Variants in TRMT11 observed in about 807,000 individuals in gnomAD.
TRMT11 encodes the protein tRNA (guanine(10)-N(2))-methyltransferase TRMT11.
In TRMT11, 53 loss-of-function variants were observed where a neutral mutation model predicts 62.8. That is an observed-to-expected ratio of 0.84 (90% CI 0.68 to 1.06). TRMT11 has a LOEUF of 1.06. TRMT11 is among the 50% of genes least tolerant of loss of function. The pLI, the probability that TRMT11 is intolerant of heterozygous loss-of-function variation, is 0.00. For synonymous variants in TRMT11, 188 were observed against 190.3 expected, an observed-to-expected ratio of 0.99 and a Z score of 0.10; for missense variants, 556 against 553.4, an observed-to-expected ratio of 1.00 and a Z score of -0.05.
At chr6:126,268,624 A>G in the TRMT11 span, among the ~76,000 whole-genome samples, 1 of 152,190 alleles carries the variant, frequency 6.6e-6, no homozygotes, top group South Asian at 2.1e-4. Flanking sequence ...TTTCTTTCTC[A>G]GCTGGGACAT....
chr6:126,103,042 C>T (rs967356679), intron 17 of TRMT11, among the ~76,000 whole-genome samples: 1 of 152,150 alleles, frequency 6.6e-6, no homozygotes, highest in Admixed American at 6.5e-5. Context: ...AAATGTGTTA[C>T]TCCTCATCTC....
intron 3 of TRMT11, among the ~76,000 whole-genome samples, chr6:126,200,531 A>G (rs1778722566): frequency 6.6e-6 from 1 of 152,180 alleles, no homozygotes; most frequent in African/African-American, 2.4e-5. Flanking sequence ...TTAAATCTCC[A>G]TCCTAGTCCA....
In TRMT11 at chr6:126,120,311, CA is replaced by C. The variant is rs1777634962; in HGVS notation, c.*1823+4459del. 2.6e-5 allele frequency among the ~76,000 whole-genome samples: 4 copies of C among 152,108 alleles called. No individual in the cohort carries two copies. The South Asian group carries it at 8.3e-4, about 32-fold the overall frequency. ...ATAAAATATGCTAATAATATGATCT[CA>C]AACATATAAAATAGGTAAAAGAAAG... On this transcript the variant is annotated intron_variant and NMD_transcript_variant, in intron 21 of 22. Transcript: ENST00000648977.
At chr6:126,258,699 A>G in the TRMT11 span, among the ~76,000 whole-genome samples, 18 of 152,124 alleles carry the variant, frequency 1.2e-4, no homozygotes, top group Non-Finnish European at 1.8e-4. Context: ...GTGTCTTTGT[A>G]TTTCTGTGGT....
intron 17 of TRMT11, among the ~76,000 whole-genome samples, chr6:126,065,175 T>C (rs538464061): frequency 5.3e-5 from 8 of 152,214 alleles, no homozygotes; most frequent in Non-Finnish European, 1.2e-4. Flanking sequence ...TTTTCTTTTA[T>C]TGTTAGGTAT....
chr6:126,062,553 A>G (rs986690499), intron 17 of TRMT11, among the ~76,000 whole-genome samples: 4 of 152,220 alleles, frequency 2.6e-5, no homozygotes, highest in African/African-American at 9.6e-5. Context: ...TTAGGTCTTC[A>G]GGTGCTCTTA....
At chr6:126,014,481 C>T (rs964706075) in intron 11 of TRMT11, among the ~76,000 whole-genome samples, 1 of 152,128 alleles carries the variant, frequency 6.6e-6, no homozygotes, top group African/African-American at 2.4e-5. Flanking sequence ...GAACTCCTGA[C>T]CTCATGATCC....
rs398066247 is a variant in TRMT11, at chr6:126,071,358, A to AT, written c.*1437+18180dup. 9.7e-3 allele frequency among the ~76,000 whole-genome samples: 1,397 copies of AT among 144,064 alleles called. 18 individuals carry two copies. The highest frequency in any genetic ancestry group is 0.03 in the African/African-American group (1,176 of 39,390). 94.5% of individuals were successfully genotyped at this position (144,064 alleles called of 152,430 possible). On this transcript the variant is annotated intron_variant and NMD_transcript_variant, in intron 17 of 22. Coordinates refer to the TRMT11 transcript ENST00000648977. Reference sequence around the variant, plus strand: ...TCATGTCCTGGCTTGAATTCTTTTTATTTTTTTTTTTTGTTTACCAAATTG... The same window carrying AT: ...TCATGTCCTGGCTTGAATTCTTTTTATTTTTTTTTTTTTGTTTACCAAATTG...
At chr6:126,063,066 A>C (rs1389870163) in intron 17 of TRMT11, among the ~76,000 whole-genome samples, 1 of 152,204 alleles carries the variant, frequency 6.6e-6, no homozygotes, top group Non-Finnish European at 1.5e-5. Flanking sequence ...TCATGTGATC[A>C]CATTTTATAA....
chr6:126,182,555 C>T (rs1360435465), intron 1 of TRMT11, among the ~76,000 whole-genome samples: 1 of 151,908 alleles, frequency 6.6e-6, no homozygotes, highest in Non-Finnish European at 1.5e-5. Flanking sequence ...TGCTTGAGAT[C>T]AGTATGGTAG....
the TRMT11 span, among the ~76,000 whole-genome samples, chr6:126,238,745 T>A: frequency 6.6e-6 from 1 of 152,152 alleles, no homozygotes; most frequent in African/African-American, 2.4e-5. Context: ...TGCAGAGGTG[T>A]GTTCAATTTC....
At chr6:126,201,936 A>G (rs540143978) in intron 3 of TRMT11, 92 of 152,324 alleles carry the variant, frequency 6.0e-4, no homozygotes, top group African/African-American at 2.1e-3. Context: ...ACTGTATTAA[A>G]TTATAATTAT....
chr6:126,087,135 A>C (rs1386182890), intron 17 of TRMT11, among the ~76,000 whole-genome samples: 1 of 152,228 alleles, frequency 6.6e-6, no homozygotes, highest in African/African-American at 2.4e-5. Flanking sequence ...TAGTTTACCA[A>C]TTATAAACCA....
At chr6:126,079,464 A>G (rs1485526966) in intron 17 of TRMT11, among the ~76,000 whole-genome samples, 2 of 152,014 alleles carry the variant, frequency 1.3e-5, no homozygotes, top group South Asian at 2.1e-4. Context: ...CTAACTGCAC[A>G]CTCATTCCCG....
chr6:126,062,982 C>A (rs1447325993), intron 17 of TRMT11, among the ~76,000 whole-genome samples: 1 of 152,138 alleles, frequency 6.6e-6, no homozygotes, highest in Non-Finnish European at 1.5e-5. Flanking sequence ...CAGTACTCTT[C>A]AGCCATTAAA....
At chr6:126,044,564 A>G (rs1408840669) in intron 16 of TRMT11, among the ~76,000 whole-genome samples, 1 of 152,156 alleles carries the variant, frequency 6.6e-6, no homozygotes, top group African/African-American at 2.4e-5. Flanking sequence ...TGTCTTTCTA[A>G]GAAAGGCACA....
chr6:126,159,699 C>A (rs887628346), intron 21 of TRMT11, among the ~76,000 whole-genome samples: 3 of 152,102 alleles, frequency 2.0e-5, no homozygotes, highest in African/African-American at 7.2e-5. Context: ...TTCTAGAGGC[C>A]AGAAATCCAA....
chr6:126,231,746 C>T, the TRMT11 span, among the ~76,000 whole-genome samples: 1 of 152,148 alleles, frequency 6.6e-6, no homozygotes. Context: ...ACAGACTGAA[C>T]GAGGGGGAAT....
At chr6:126,140,414 TCTTTA>T (rs1777904425) in intron 21 of TRMT11, among the ~76,000 whole-genome samples, 1 of 152,148 alleles carries the variant, frequency 6.6e-6, no homozygotes, top group Non-Finnish European at 1.5e-5. Flanking sequence ...CTTATCTTTG[TCTTTA>T]CTTTGAAAAG....
Sources: allele counts gnomAD v4.1 joint callset (sites outside exome capture counted in the v4.1 genomes callset), GRCh38; gene constraint gnomAD v4.1.1; transcripts MANE v1.5; gene names NCBI Gene and HGNC (gene_info 2026-07-23, HGNC 2026-07-21).